The following VAV1 variants were observed in gnomAD, a reference collection of about 807,000 sequenced individuals.
VAV1 encodes vav guanine nucleotide exchange factor 1, also known as proto-oncogene vav.
In VAV1, 33 loss-of-function variants were observed where a neutral mutation model predicts 128.1. The observed-to-expected ratio is 0.26, with a 90% CI of 0.20 to 0.34. The LOEUF is 0.34. VAV1 is among the 10% of genes least tolerant of loss of function. The pLI is 1.00. For synonymous variants in VAV1, 394 were observed against 409.8 expected (o/e 0.96, Z 0.47); for missense variants, 715 against 1,093.7 (o/e 0.65, Z 4.88).
At chr19:6,805,086 A>G (rs569239862) in intron 1 of VAV1, among the ~76,000 whole-genome samples, 4 of 151,958 alleles carry the variant, frequency 2.6e-5, no homozygotes, top group Non-Finnish European at 5.9e-5. Flanking sequence ...AGAAATTTCC[A>G]GGGAAGGGGT....
At chr19:6,791,990 T>TG (rs11435405) in intron 1 of VAV1, among the ~76,000 whole-genome samples, 33,085 of 150,792 alleles carry the variant, frequency 0.22, 3,874 homozygotes, top group African/African-American at 0.3. Context: ...AGAATGGCTA[T>TG]GGGGATGTGT....
chr19:6,821,545 G>C lies in VAV1; in HGVS notation c.322-77G>C, dbSNP rs550075674. The C allele has an allele frequency of 1.7e-4, 268 of 1,571,920 alleles. 2 individuals carry two copies. In the South Asian group the frequency reaches 2.8e-3, roughly 17 times the overall value. On this transcript the variant is annotated intron_variant, in intron 2 of 26. Coordinates refer to ENST00000602142, the MANE Select transcript of VAV1 (RefSeq NM_005428.4). The stretch of plus-strand genomic sequence containing the variant: ...GGCATGGGATCTAGCGCCTCAGACA[G>C]AGCCTTGCAGCTGGAAGCTGTGTTC...
chr19:6,773,549 G>T (rs1449974640), intron 1 of VAV1, among the ~76,000 whole-genome samples: 1 of 152,048 alleles, frequency 6.6e-6, no homozygotes, highest in Admixed American at 6.5e-5. Flanking sequence ...TGGGGCAGGT[G>T]GGGGGCTGCA....
At chr19:6,840,791 A>T (rs1192822168) in intron 21 of VAV1, among the ~76,000 whole-genome samples, 1 of 151,140 alleles carries the variant, frequency 6.6e-6, no homozygotes, top group Non-Finnish European at 1.5e-5. Context: ...TTTTAAAAAA[A>T]TTTTTGAGAT....
chr19:6,852,957 C>T lies in VAV1; in HGVS notation c.2218-8C>T, dbSNP rs375370523. On this transcript the variant is annotated splice_region_variant and splice_polypyrimidine_tract_variant and intron_variant, in intron 24 of 26. Coordinates refer to ENST00000602142, the MANE Select transcript of VAV1 (RefSeq NM_005428.4). The stretch of plus-strand genomic sequence containing the variant: ...GGGATAGCATCTGCCATGTGGTCCG[C>T]CTTCTAGGAGCTGGTGGAGTTTTAC... 65 of 1,606,612 alleles carry T rather than the reference C, an allele frequency of 4.0e-5. No individual in the cohort carries two copies. The African/African-American group carries it at 7.4e-4, about 18-fold the overall frequency.
At chr19:6,782,348 AT>A (rs1970784775) in intron 1 of VAV1, among the ~76,000 whole-genome samples, 3 of 151,780 alleles carry the variant, frequency 2.0e-5, no homozygotes, top group African/African-American at 7.3e-5. Context: ...AAATAAATAA[AT>A]AAATAAAAAT....
intron 19 of VAV1, chr19:6,836,172 C>A: frequency 5.4e-6 from 2 of 368,500 alleles, no homozygotes; most frequent in Non-Finnish European, 1.0e-5. Context: ...CCGTGCCCAG[C>A]CAGGACACAT....
Position 6,822,510 on chromosome 19 carries a change from A to G in VAV1, c.650A>G (p.Gln217Arg), listed in dbSNP as rs201002344. The G allele has an allele frequency of 9.0e-4, 1,389 of 1,548,110 alleles. 1 individual carries two copies. Among genetic ancestry groups the G allele is most frequent in the Non-Finnish European group, 1.2e-3 (1,323 of 1,148,022 alleles). ...TACACTGACACGCTGGGCTCCATCC[A>G]GCAGGTGGGCGCCTCCCACCCAGCG... is the stretch of plus-strand genomic sequence containing the variant. ...EKYTDTLGSI[Q>R]QHFLKPLQRF... The change falls in exon 6 of 27, where the codon CAG becomes CGG. Residue 217 changes from glutamine to arginine, a missense_variant. Around this residue, in one of 3 missense-constraint regions of VAV1, gnomAD observed 302 missense variants for 477.8 expected, o/e 0.63. Transcript: ENST00000602142. The surrounding 1 kb of genome is among the most constrained non-coding windows in gnomAD (Gnocchi z 5.9).
chr19:6,791,181 A>ATACCTCCTCATCTTGAAGTCCTTGAGT (rs1971009159), intron 1 of VAV1, among the ~76,000 whole-genome samples: 1 of 152,188 alleles, frequency 6.6e-6, no homozygotes, highest in African/African-American at 2.4e-5. Flanking sequence ...AGTCCTTGAG[A>ATACCTCCTCATCTTGAAGTCCTTGAGT]TACCTCCTCA....
In VAV1 at chr19:6,851,136, G is replaced by A. The variant is rs147118762; in HGVS notation, c.2217+379G>A. The stretch of plus-strand genomic sequence containing the variant: ...ATGTATGTAGGGTACATGTATATAC[G>A]TGTATCTGTTTATTTTTATATATAT... On this transcript the variant is annotated intron_variant, in intron 24 of 26. Coordinates refer to ENST00000602142, the MANE Select transcript of VAV1 (RefSeq NM_005428.4). 7.1e-4 allele frequency among the ~76,000 whole-genome samples: 107 copies of A among 151,588 alleles called. 2 individuals are homozygous for A. In the East Asian group the frequency reaches 0.019, roughly 27 times the overall value.
chr19:6,825,763 G>A (rs1400710504), intron 8 of VAV1, among the ~76,000 whole-genome samples: 1 of 152,146 alleles, frequency 6.6e-6, no homozygotes, highest in Non-Finnish European at 1.5e-5. Flanking sequence ...GGTGGCTAAT[G>A]CCTGTAATCC....
intron 1 of VAV1, among the ~76,000 whole-genome samples, chr19:6,805,611 C>CACACACACACACACAT (rs1432472294): frequency 2.0e-5 from 3 of 150,934 alleles, no homozygotes; most frequent in African/African-American, 7.3e-5. Flanking sequence ...CACACACACA[C>CACACACACACACACAT]ACATACACGC....
Position 6,820,603 on chromosome 19 carries a change from T to G in VAV1, c.205-99T>G. ...TCATGGAAGAGGGTCTGTGCTTTCA[T>G]TTCCCCTCCACACCAGTCCCCAAGC... On this transcript the variant is annotated intron_variant, in intron 1 of 26. Coordinates refer to ENST00000602142, the MANE Select transcript of VAV1 (RefSeq NM_005428.4). The surrounding 1 kb of genome is among the most constrained non-coding windows in gnomAD (Gnocchi z 4.4). 1 of 864,502 alleles carries G rather than the reference T, an allele frequency of 1.2e-6. No individual in the cohort carries two copies. The highest frequency in any genetic ancestry group is 1.9e-6 in the Non-Finnish European group (1 of 519,466). 53.6% of individuals were successfully genotyped at this position (864,502 alleles called of 1,614,324 possible). A position where few individuals can be genotyped will look rare whatever the true frequency, so the allele number is the denominator to read the frequency against.
intron 14 of VAV1, 128 bp from the exon 15 acceptor site, chr19:6,831,963 T>C (rs1345620567): frequency 2.9e-6 from 2 of 682,270 alleles, no homozygotes; most frequent in East Asian, 2.8e-5. Context: ...AGGATATCCA[T>C]GCATGGTGCT....
chr19:6,852,295 A>C (rs1972688067), intron 24 of VAV1, among the ~76,000 whole-genome samples: 1 of 152,200 alleles, frequency 6.6e-6, no homozygotes, highest in African/African-American at 2.4e-5. Context: ...GATTCCAGGC[A>C]TGAGCCACTA....
chr19:6,847,866 G>A (rs1039435839), intron 22 of VAV1, 132 bp from the exon 23 acceptor site: 5 of 746,522 alleles, frequency 6.7e-6, no homozygotes, highest in African/African-American at 3.7e-5. Context: ...TGGTGCTGAA[G>A]GGCTGTTAGA....
intron 1 of VAV1, among the ~76,000 whole-genome samples, chr19:6,817,835 C>T (rs113768545): frequency 5.1e-4 from 78 of 152,112 alleles, no homozygotes; most frequent in South Asian, 2.7e-3. Context: ...TACAGGCACC[C>T]GCCACCTTGC....
intron 1 of VAV1, among the ~76,000 whole-genome samples, chr19:6,805,056 G>C (rs1400135660): frequency 6.6e-6 from 1 of 151,930 alleles, no homozygotes; most frequent in Non-Finnish European, 1.5e-5. Flanking sequence ...ATTACATGTA[G>C]AGTAAGGGGC....
At chr19:6,812,809 G>C (rs144309768) in intron 1 of VAV1, among the ~76,000 whole-genome samples, 1 of 152,030 alleles carries the variant, frequency 6.6e-6, no homozygotes, top group Admixed American at 6.6e-5. Context: ...TAATGGTAAC[G>C]ATGATGGTGA....
Sources: gnomAD v4.1 joint callset for allele counts (sites outside exome capture counted in the v4.1 genomes callset) on GRCh38, gnomAD v4.1.1 for gene constraint, gnomAD v4.1.1 regional missense constraint, Gnocchi (gnomAD v3.1) non-coding constraint, MANE v1.5 for transcripts, NCBI Gene and HGNC (gene_info 2026-07-23, HGNC 2026-07-21) for gene names.